SESTD1: variants seen among roughly 807,000 people sequenced by gnomAD.
SESTD1 encodes the protein SEC14 and spectrin domain containing 1.
SESTD1 carries 43 observed loss-of-function variants against 101.7 expected under a neutral mutation model. The ratio of observed to expected loss-of-function variants is 0.42; its 90% CI spans 0.33 to 0.55. SESTD1 has a LOEUF of 0.55. Ranked by LOEUF, SESTD1 falls within the 20% of genes least tolerant of loss-of-function variation. The pLI is 0.07. For missense variants in SESTD1, 647 were observed against 815.1 expected (o/e 0.79, Z 2.51); for synonymous variants, 283 against 286.8 (o/e 0.99, Z 0.13).
At chr2:179,194,243 T>C (rs2046358333) in intron 1 of SESTD1, among the ~76,000 whole-genome samples, 1 of 152,094 alleles carries the variant, frequency 6.6e-6, no homozygotes, top group Non-Finnish European at 1.5e-5. Context: ...GCCTCCTCCT[T>C]ATCAGGGATT....
intron 2 of SESTD1, among the ~76,000 whole-genome samples, chr2:179,191,144 T>C (rs1288557728): frequency 1.3e-5 from 2 of 152,218 alleles, no homozygotes; most frequent in African/African-American, 4.8e-5. Context: ...CTTGCAGCAC[T>C]ATTTATAATA....
chr2:179,235,875 G>C (rs530933620), intron 1 of SESTD1, among the ~76,000 whole-genome samples: 2 of 152,100 alleles, frequency 1.3e-5, no homozygotes. Flanking sequence ...ACTGTTTCAC[G>C]GTTTGAGCCC....
intron 5 of SESTD1, among the ~76,000 whole-genome samples, chr2:179,154,080 C>CAAAAAA (rs748598701): frequency 4.9e-5 from 3 of 60,740 alleles, no homozygotes; most frequent in Non-Finnish European, 8.9e-5. Flanking sequence ...CCAATCTCTA[C>CAAAAAA]AAAAAAAAAA....
chr2:179,223,614 T>C (rs1194987859), intron 1 of SESTD1, among the ~76,000 whole-genome samples: 1 of 152,060 alleles, frequency 6.6e-6, no homozygotes, highest in Non-Finnish European at 1.5e-5. Flanking sequence ...TGGTAAGCAA[T>C]TTATCCCCAA....
intron 5 of SESTD1, among the ~76,000 whole-genome samples, chr2:179,160,485 A>C (rs182476305): frequency 4.0e-5 from 6 of 151,716 alleles, no homozygotes; most frequent in Admixed American, 3.3e-4. Context: ...AGATTATATT[A>C]ATTTAAAAAT....
chr2:179,191,882 G>A lies in SESTD1; in HGVS notation c.-25-16C>T, dbSNP rs751334915. The A allele has an allele frequency of 1.3e-6, 2 of 1,497,780 alleles. No individual in the cohort carries two copies. The highest frequency in any genetic ancestry group is 2.8e-5 in the African/African-American group (2 of 72,024). The allele number at this position is 1,497,780 out of a possible 1,614,324, so 92.8% of individuals were successfully genotyped here. On this transcript the variant is annotated splice_polypyrimidine_tract_variant and intron_variant, in intron 1 of 17. Transcript: ENST00000428443. ...TTCCTTAATTCTGAAAACACAGAAA[G>A]TCAAATGTCAACTACAAGACAACAA...
intron 5 of SESTD1, among the ~76,000 whole-genome samples, chr2:179,169,141 C>A (rs1354684122): frequency 6.6e-6 from 1 of 151,656 alleles, no homozygotes; most frequent in Non-Finnish European, 1.5e-5. Context: ...ATAGTCTTAC[C>A]CATGAAAAGA....
rs141448529 is a variant in SESTD1 at position 179,238,168 on chromosome 2, T to C, written c.-26+26331A>G. ...TTAACTGGAAGTGGATCATCAAAAATGTCATCATCCTTGTTGTCTTTACAT... is the reference window on the plus strand; with the variant it reads ...TTAACTGGAAGTGGATCATCAAAAACGTCATCATCCTTGTTGTCTTTACAT... On this transcript the variant is annotated intron_variant, in intron 1 of 17. Coordinates refer to ENST00000428443, the MANE Select transcript of SESTD1 (RefSeq NM_178123.5). Among the ~76,000 whole-genome samples, 196 of 152,296 alleles carry C rather than the reference T, an allele frequency of 1.3e-3. 1 individual carries two copies. Among genetic ancestry groups the C allele is most frequent in the African/African-American group, 4.5e-3 (186 of 41,580 alleles).
chr2:179,120,753 T>C (rs2154393961), intron 13 of SESTD1, among the ~76,000 whole-genome samples: 1 of 152,294 alleles, frequency 6.6e-6, no homozygotes, highest in East Asian at 1.9e-4. Flanking sequence ...TGAAAATAAA[T>C]TGGAGGTAGT....
At chr2:179,234,945 TA>T (rs35629599) in intron 1 of SESTD1, among the ~76,000 whole-genome samples, 2,128 of 130,332 alleles carry the variant, frequency 0.016, 28 homozygotes, top group African/African-American at 0.041. Context: ...CTCATCTCTT[TA>T]AAAAAAAAAA....
rs2046649449 is a variant in SESTD1, at chr2:179,211,425, A to G, written c.-25-19559T>C. 1.5e-5 allele frequency among the ~76,000 whole-genome samples: 2 copies of G among 134,538 alleles called. 1 individual carries two copies. Among genetic ancestry groups the G allele is most frequent in the South Asian group, 5.6e-4 (2 of 3,560 alleles). The allele number at this position is 134,538 out of a possible 152,430, so 88.3% of individuals were successfully genotyped here. On this transcript the variant is annotated intron_variant, in intron 1 of 17. Coordinates refer to ENST00000428443, the MANE Select transcript of SESTD1 (RefSeq NM_178123.5). ...CAACTACAAACTATACTACAAGACT[A>G]TAGTTACCAAAACCGCAGGGAACTA... is the stretch of plus-strand genomic sequence containing the variant.
intron 5 of SESTD1, among the ~76,000 whole-genome samples, chr2:179,166,674 T>C (rs1367872390): frequency 6.6e-6 from 1 of 152,088 alleles, no homozygotes; most frequent in Non-Finnish European, 1.5e-5. Flanking sequence ...GAGAGTCAAC[T>C]GTATACAGAA....
intron 1 of SESTD1, among the ~76,000 whole-genome samples, chr2:179,256,694 C>T (rs1321243642): frequency 6.6e-6 from 1 of 151,778 alleles, no homozygotes; most frequent in Non-Finnish European, 1.5e-5. Context: ...AGCCTGTAGT[C>T]CCAGCTACTC....
Position 179,105,752 on chromosome 2 carries a change from CTG to C in SESTD1, c.*4145_*4146del, listed in dbSNP as rs1176516317. The stretch of plus-strand genomic sequence containing the variant: ...TATTCTTGAAATTGGTATGACTTCT[CTG>C]TTTTACAGCCTGAGATAAATTCTCA... On this transcript the variant is annotated 3_prime_UTR_variant, in exon 18 of 18. Coordinates refer to ENST00000428443, the MANE Select transcript of SESTD1 (RefSeq NM_178123.5). 6.6e-6 allele frequency: 1 copy of C among 152,182 alleles called. No homozygotes were observed. The highest frequency in any genetic ancestry group is 1.5e-5 in the Non-Finnish European group (1 of 68,018). 9.4% of individuals were successfully genotyped at this position (152,182 alleles called of 1,614,324 possible).
rs373333575 is a variant in SESTD1, at chr2:179,200,515, T to C, written c.-25-8649A>G. Reference sequence around the variant, plus strand: ...CTGGAGGCATCACATTACCTGACTTTAAACTATACTACAAGGCTACAGTAA... The same window carrying C: ...CTGGAGGCATCACATTACCTGACTTCAAACTATACTACAAGGCTACAGTAA... On this transcript the variant is annotated intron_variant, in intron 1 of 17. Transcript: ENST00000428443. Among the ~76,000 whole-genome samples, 5 of 151,992 alleles carry C rather than the reference T, an allele frequency of 3.3e-5. No homozygotes were observed. The East Asian group carries it at 5.8e-4, about 18-fold the overall frequency.
Position 179,103,819 on chromosome 2 carries a change from T to C in SESTD1, c.*6080A>G, listed in dbSNP as rs762339091. ...AACGTTTCCTATTTCCATAGCACTATATGCATTTGCCAAACCTCAGTGAAC... is the reference window on the plus strand; with the variant it reads ...AACGTTTCCTATTTCCATAGCACTACATGCATTTGCCAAACCTCAGTGAAC... On this transcript the variant is annotated 3_prime_UTR_variant, in exon 18 of 18. Transcript: ENST00000428443. 3 of 152,144 alleles carry C rather than the reference T, an allele frequency of 2.0e-5. No individual in the cohort carries two copies. Among genetic ancestry groups the C allele is most frequent in the Admixed American group, 6.6e-5 (1 of 15,250 alleles). 9.4% of individuals were successfully genotyped at this position (152,144 alleles called of 1,614,324 possible).
chr2:179,192,500 A>T (rs1268816826), intron 1 of SESTD1, among the ~76,000 whole-genome samples: 1 of 152,100 alleles, frequency 6.6e-6, no homozygotes, highest in African/African-American at 2.4e-5. Flanking sequence ...TACAGTTTTT[A>T]ATTTTCCAGG....
At chr2:179,225,229 C>CG (rs2046868045) in intron 1 of SESTD1, among the ~76,000 whole-genome samples, 1 of 151,998 alleles carries the variant, frequency 6.6e-6, no homozygotes, top group East Asian at 1.9e-4. Context: ...AGAAGTGAAG[C>CG]GTTCTATGTT....
intron 1 of SESTD1, among the ~76,000 whole-genome samples, chr2:179,243,019 A>G (rs1454384306): frequency 6.6e-6 from 1 of 152,230 alleles, no homozygotes; most frequent in South Asian, 2.1e-4. Context: ...CAGACAACCT[A>G]CAAAATGGAA....
Sources: gnomAD v4.1 joint callset for allele counts (sites outside exome capture counted in the v4.1 genomes callset) on GRCh38, gnomAD v4.1.1 for gene constraint, MANE v1.5 for transcripts, NCBI Gene and HGNC (gene_info 2026-07-23, HGNC 2026-07-21) for gene names.